Variants in PUM1 observed in about 807,000 individuals in gnomAD.
PUM1 encodes the protein pumilio homolog 1.
Under a neutral mutation model 131.8 loss-of-function variants are expected in PUM1, and 13 were observed. The observed-to-expected ratio is 0.10, with a 90% CI of 0.06 to 0.16. The LOEUF (loss-of-function observed/expected upper bound fraction) is 0.16, where lower values mean the gene tolerates loss of function less well. PUM1 is among the 10% of genes least tolerant of loss of function. The probability of loss-of-function intolerance (pLI) is 1.00; values close to 1 mark genes in which losing one functional copy is unlikely to be tolerated. For synonymous variants in PUM1, 509 were observed against 556.5 expected (o/e 0.91, Z 1.20); for missense variants, 961 against 1,512.4 (o/e 0.64, Z 6.05).
chr1:31,045,640 A>G (rs1643939062), intron 2 of PUM1, among the ~76,000 whole-genome samples: 1 of 152,152 alleles, frequency 6.6e-6, no homozygotes. Flanking sequence ...AGGGCCCCCA[A>G]TTTCCAAAAA....
Position 31,055,562 on chromosome 1 carries a change from G to A in PUM1, c.363+3642C>T, listed in dbSNP as rs144366395. 3.3e-5 allele frequency among the ~76,000 whole-genome samples: 5 copies of A among 152,138 alleles called. No homozygotes were observed. In the South Asian group the frequency reaches 6.2e-4, roughly 19 times the overall value. On this transcript the variant is annotated intron_variant, in intron 2 of 21. Transcript: ENST00000426105. ...CCCAACGTTGTTCATTATTTCATGC[G>A]TCCAGCCCAAAGAATTGTGTTGTAA...
Position 30,973,614 on chromosome 1 carries a change from C to T in PUM1, c.1506+1037G>A, listed in dbSNP as rs562116425. On this transcript the variant is annotated intron_variant, in intron 10 of 21. Coordinates refer to ENST00000426105, the MANE Select transcript of PUM1 (RefSeq NM_001020658.2). ...TGTCATTTAAAAGAACACTAAATAA[C>T]ACAGTAAAGTATGAAATCAGAATGT... Among the ~76,000 whole-genome samples, 3 of 152,214 alleles carry T rather than the reference C, an allele frequency of 2.0e-5. No homozygotes were observed. The South Asian group carries it at 6.2e-4, about 32-fold the overall frequency.
intron 5 of PUM1, 76 bp from the exon 6 acceptor site, chr1:30,995,296 T>G: frequency 1.4e-6 from 2 of 1,458,424 alleles, no homozygotes; most frequent in Non-Finnish European, 9.5e-7. Flanking sequence ...GGCACCAGAC[T>G]ACACTAGATG....
chr1:30,973,165 T>C (rs2124455697), intron 10 of PUM1: 1 of 154,674 alleles, frequency 6.5e-6, no homozygotes, highest in Non-Finnish European at 1.5e-5. Context: ...AAGAACTGTA[T>C]CTGTTGCCAA....
intron 2 of PUM1, among the ~76,000 whole-genome samples, chr1:31,056,609 C>CTTTTTTTTTTTTTTTTTTT (rs57685772): frequency 2.3e-5 from 1 of 43,688 alleles, no homozygotes; most frequent in Non-Finnish European, 4.0e-5. Context: ...CTTTTCTTTT[C>CTTTTTTTTTTTTTTTTTTT]TTTTTTTTTT....
In PUM1 at chr1:30,975,764, T is replaced by C. The variant is rs1381753790; in HGVS notation, c.1355-962A>G. 4.6e-5 allele frequency among the ~76,000 whole-genome samples: 7 copies of C among 151,976 alleles called. No individual in the cohort carries two copies. The East Asian group carries it at 1.2e-3, about 25-fold the overall frequency. ...GTTGAACACAAATAGAAACAAAAAA[T>C]ACAACACCTTGACTTGTTACAGACC... On this transcript the variant is annotated intron_variant, in intron 9 of 21. Transcript: ENST00000426105.
At chr1:30,942,229 A>ATATATATATATG (rs1639480871) in intron 18 of PUM1, 106 bp from the exon 19 acceptor site, 1 of 149,798 alleles carries the variant, frequency 6.7e-6, no homozygotes, top group Non-Finnish European at 1.2e-5. Flanking sequence ...ATATATATAT[A>ATATATATATATG]TATATATGTA....
At chr1:30,996,062 TA>T (rs1291842560) in intron 5 of PUM1, among the ~76,000 whole-genome samples, 1 of 152,210 alleles carries the variant, frequency 6.6e-6, no homozygotes, top group Non-Finnish European at 1.5e-5. Context: ...GCCCTGGACA[TA>T]TAAAGTACAT....
At chr1:31,044,477 A>G (rs906528626) in intron 2 of PUM1, among the ~76,000 whole-genome samples, 5 of 152,190 alleles carry the variant, frequency 3.3e-5, no homozygotes, top group Admixed American at 6.5e-5. Flanking sequence ...ACATTATGCT[A>G]AGTAAAAGAA....
intron 5 of PUM1, among the ~76,000 whole-genome samples, chr1:30,998,861 C>A (rs904531076): frequency 6.6e-6 from 1 of 152,050 alleles, no homozygotes; most frequent in Non-Finnish European, 1.5e-5. Flanking sequence ...GTTCAAGATC[C>A]TTAAAATGGT....
chr1:31,038,097 T>C lies in PUM1; in HGVS notation c.364-9233A>G, dbSNP rs866040440. 4.8e-3 allele frequency among the ~76,000 whole-genome samples: 719 copies of C among 149,938 alleles called. 4 individuals are homozygous for C. The highest frequency in any genetic ancestry group is 0.017 in the African/African-American group (690 of 40,860). On this transcript the variant is annotated intron_variant, in intron 2 of 21. Coordinates refer to ENST00000426105, the MANE Select transcript of PUM1 (RefSeq NM_001020658.2). Reference sequence around the variant, plus strand: ...CCATCTCAAAAAAAAAAAAAAACCCTGGCATCATTTAATACTTCAACTGCT... The same window carrying C: ...CCATCTCAAAAAAAAAAAAAAACCCCGGCATCATTTAATACTTCAACTGCT...
chr1:31,031,699 G>A (rs1424469697), intron 2 of PUM1, among the ~76,000 whole-genome samples: 2 of 152,100 alleles, frequency 1.3e-5, no homozygotes, highest in African/African-American at 2.4e-5. Flanking sequence ...TGTGGGCTTC[G>A]ATGAATGTGC....
chr1:30,956,091 T>C (rs1640154663), intron 14 of PUM1, among the ~76,000 whole-genome samples: 2 of 152,176 alleles, frequency 1.3e-5, no homozygotes, highest in Admixed American at 6.5e-5. Flanking sequence ...TCAAGGCCCT[T>C]TCGGGGTCTG....
chr1:30,957,740 T>C (rs866188282), intron 14 of PUM1, among the ~76,000 whole-genome samples: 8 of 152,380 alleles, frequency 5.3e-5, no homozygotes, highest in East Asian at 3.9e-4. Flanking sequence ...ATAGATCTAA[T>C]AGATGCCTAA....
rs183800681 is a variant in PUM1 at position 30,961,940 on chromosome 1, C to G, written c.2323+2734G>C. On this transcript the variant is annotated intron_variant, in intron 14 of 21. Coordinates refer to ENST00000426105, the MANE Select transcript of PUM1 (RefSeq NM_001020658.2). ...AGTGAAGTAGTATTAACAACAGAAG[C>G]TATATTAGGTGTGGGCCAGAAAGAA... is the stretch of plus-strand genomic sequence containing the variant. 1.2e-4 allele frequency among the ~76,000 whole-genome samples: 18 copies of G among 152,254 alleles called. No individual in the cohort carries two copies. The East Asian group carries it at 3.1e-3, about 26-fold the overall frequency.
intron 2 of PUM1, among the ~76,000 whole-genome samples, chr1:31,046,819 C>T (rs1643980538): frequency 6.6e-6 from 1 of 151,918 alleles, no homozygotes; most frequent in East Asian, 1.9e-4. Context: ...AGTTCTTTAA[C>T]CAAATTCCCA....
chr1:31,021,433 T>A (rs895896364), intron 3 of PUM1, among the ~76,000 whole-genome samples: 9 of 152,200 alleles, frequency 5.9e-5, no homozygotes, highest in Non-Finnish European at 1.3e-4. Context: ...AAGAGGAAAC[T>A]ATGCTTAGGA....
chr1:30,939,643 CCA>C (rs1257057900), intron 20 of PUM1, among the ~76,000 whole-genome samples: 2 of 152,148 alleles, frequency 1.3e-5, no homozygotes, highest in African/African-American at 4.8e-5. Flanking sequence ...GTATTTTTGT[CCA>C]CAGTTTACAC....
chr1:31,001,518 C>A (rs530164382), intron 5 of PUM1, among the ~76,000 whole-genome samples: 54 of 152,260 alleles, frequency 3.5e-4, no homozygotes, highest in African/African-American at 1.2e-3. Flanking sequence ...GAAAGCAATA[C>A]AGCTAAAAAT....
Sources: gnomAD v4.1 joint callset for allele counts (sites outside exome capture counted in the v4.1 genomes callset) on GRCh38, gnomAD v4.1.1 for gene constraint, MANE v1.5 for transcripts, NCBI Gene and HGNC (gene_info 2026-07-23, HGNC 2026-07-21) for gene names.